The following KCNG3 variants were observed in gnomAD, a reference collection of about 807,000 sequenced individuals.
KCNG3 encodes potassium voltage-gated channel modifier subfamily G member 3, also known as voltage-gated potassium channel regulatory subunit KCNG3.
Under a neutral mutation model 29.0 loss-of-function variants are expected in KCNG3, and 15 were observed. That is an observed-to-expected ratio of 0.52 (90% confidence interval 0.35 to 0.80). The LOEUF is 0.80. Among genes scored for constraint, KCNG3 ranks in the 30% least tolerant of loss-of-function variants. The pLI, the probability that KCNG3 is intolerant of heterozygous loss-of-function variation, is 0.01. For missense variants in KCNG3, 512 were observed against 605.7 expected (o/e 0.85, Z 1.62); for synonymous variants, 322 against 248.9 (o/e 1.29, Z -2.76).
At chr2:42,439,661 T>TC (rs1182787418), downstream of KCNG3, among the ~76,000 whole-genome samples, 10 of 151,244 alleles carry the variant, frequency 6.6e-5, no homozygotes, top group Non-Finnish European at 1.3e-4. Context: ...AATTTTTTTT[T>TC]TTGAGACGGA....
At chr2:42,389,555 G>C in the KCNG3 span, among the ~76,000 whole-genome samples, 11 of 152,096 alleles carry the variant, frequency 7.2e-5, no homozygotes, top group Non-Finnish European at 1.2e-4. Flanking sequence ...ACTTTTTCAA[G>C]AATAAACTTT....
At chr2:42,402,980 C>T in the KCNG3 span, among the ~76,000 whole-genome samples, 1 of 152,182 alleles carries the variant, frequency 6.6e-6, no homozygotes, top group African/African-American at 2.4e-5. Flanking sequence ...TGGGCAGAAT[C>T]GCCATTTTGA....
chr2:42,408,254 C>T, the KCNG3 span, among the ~76,000 whole-genome samples: 1,982 of 152,280 alleles, frequency 0.013, 43 homozygotes, highest in African/African-American at 0.044. Flanking sequence ...GGCGAGTCCC[C>T]GGTGAGGCCC....
intron 1 of KCNG3, among the ~76,000 whole-genome samples, chr2:42,452,361 TACAA>T (rs1236255626): frequency 4.0e-5 from 6 of 151,542 alleles, no homozygotes; most frequent in Non-Finnish European, 7.4e-5. Context: ...TCCTTTGTGT[TACAA>T]ACAATCCAAT....
intron 1 of KCNG3, among the ~76,000 whole-genome samples, chr2:42,450,844 C>A (rs994525002): frequency 6.6e-6 from 1 of 152,162 alleles, no homozygotes; most frequent in African/African-American, 2.4e-5. Flanking sequence ...AAACCCAGAT[C>A]TACAAGATTT....
At chr2:42,478,697 C>T (rs1209902838) in intron 1 of KCNG3, among the ~76,000 whole-genome samples, 5 of 152,170 alleles carry the variant, frequency 3.3e-5, no homozygotes, top group Non-Finnish European at 7.3e-5. Flanking sequence ...CACTGCCTTC[C>T]ACAGCGGCAC....
At chr2:42,414,388 AT>A in the KCNG3 span, among the ~76,000 whole-genome samples, 1 of 152,078 alleles carries the variant, frequency 6.6e-6, no homozygotes, top group Non-Finnish European at 1.5e-5. Context: ...TTGTTATTTC[AT>A]TGTTTTTTTG....
At chr2:42,428,766 C>G in the KCNG3 span, among the ~76,000 whole-genome samples, 110 of 152,182 alleles carry the variant, frequency 7.2e-4, no homozygotes, top group African/African-American at 2.6e-3. Flanking sequence ...ACTCAAATAC[C>G]ACTTCCACAG....
intron 1 of KCNG3, among the ~76,000 whole-genome samples, chr2:42,449,060 G>A (rs564796787): frequency 5.9e-5 from 9 of 152,146 alleles, no homozygotes; most frequent in Non-Finnish European, 1.3e-4. Context: ...CCCACTGAGG[G>A]ACTTGAGTAT....
chr2:42,444,477 G>A lies in KCNG3; in HGVS notation c.768C>T (p.Ile256=), dbSNP rs867249991. ...ACGGCGTGATTGCCAGTAAATCAAT[G>A]ATGTTCAGGGGTCTCTTGACAAACT... ...KCEFVKRPLN[I]IDLLAITPYY... Residue 256 remains isoleucine (I), a synonymous_variant, in exon 2 of 2, where the codon ATC becomes ATT. Coordinates refer to ENST00000306078, the MANE Select transcript of KCNG3 (RefSeq NM_133329.6). The surrounding 1 kb of genome is among the most constrained non-coding windows in gnomAD (Gnocchi z 5.8). 6.2e-7 allele frequency: 1 copy of A among 1,614,168 alleles called. No homozygotes were observed. The highest frequency in any genetic ancestry group is 8.5e-7 in the Non-Finnish European group (1 of 1,180,032).
rs967254468 is a variant in KCNG3, at chr2:42,447,519, C to T, written c.666-2940G>A. Among the ~76,000 whole-genome samples the T allele has an allele frequency of 2.1e-5, 3 of 144,470 alleles. No individual in the cohort carries two copies. In the Admixed American group the frequency reaches 2.1e-4, roughly 10 times the overall value. 94.8% of individuals were successfully genotyped at this position (144,470 alleles called of 152,430 possible). A position where few individuals can be genotyped will look rare whatever the true frequency, so the allele number is the denominator to read the frequency against. On this transcript the variant is annotated intron_variant, in intron 1 of 1. Transcript: ENST00000306078. The stretch of plus-strand genomic sequence containing the variant: ...CATTAACACTGATGCAATGAATATT[C>T]TTTTTTTTTTTTTGAAACAGGGTCT...
At chr2:42,458,088 T>C (rs1036235528) in intron 1 of KCNG3, among the ~76,000 whole-genome samples, 16 of 152,278 alleles carry the variant, frequency 1.1e-4, no homozygotes, top group African/African-American at 3.8e-4. Context: ...AATTTTTACA[T>C]TCCTCACTTG....
chr2:42,437,625 C>T (rs542986144), downstream of KCNG3, among the ~76,000 whole-genome samples: 24 of 152,062 alleles, frequency 1.6e-4, no homozygotes, highest in Middle Eastern at 6.8e-3. Flanking sequence ...ACAGCACTGA[C>T]ATAGGTATGG....
chr2:42,390,208 C>A, the KCNG3 span, among the ~76,000 whole-genome samples: 13 of 152,128 alleles, frequency 8.5e-5, no homozygotes, highest in Non-Finnish European at 1.3e-4. Flanking sequence ...CAAGCTGATG[C>A]TATCTTATTT....
Position 42,444,578 on chromosome 2 carries a change from T to C in KCNG3, c.667A>G (p.Ile223Val). Residue 223 changes from isoleucine (I) to valine (V), a missense_variant and splice_region_variant, in exon 2 of 2, where the codon ATA becomes GTA. Transcript: ENST00000306078. This position sits in a 1 kb window ranked among gnomAD's most constrained non-coding sequence, Gnocchi z 5.8. ...CAACCTATGCAGATAGCTTCAATTA[T>C]CCTGTCAAGAGAACAAAAGAAGAAT... ...SAGPGREPSG[I>V]IEAICIGWFT... 4.4e-6 allele frequency: 7 copies of C among 1,598,714 alleles called. No individual in the cohort carries two copies. Among genetic ancestry groups the C allele is most frequent in the Non-Finnish European group, 6.0e-6 (7 of 1,172,818 alleles).
intron 1 of KCNG3, among the ~76,000 whole-genome samples, chr2:42,448,171 A>T (rs1672651592): frequency 6.6e-6 from 1 of 152,142 alleles, no homozygotes; most frequent in Admixed American, 6.6e-5. Context: ...CTTGCTCACA[A>T]AGGCTTTAAT....
At chr2:42,457,670 A>ACACACAC (rs1572847566) in intron 1 of KCNG3, among the ~76,000 whole-genome samples, 1 of 32,432 alleles carries the variant, frequency 3.1e-5, no homozygotes, top group African/African-American at 8.4e-5. Flanking sequence ...CACACACACA[A>ACACACAC]GGCTGGGCGC....
At chr2:42,419,219 C>CTTTTTT in the KCNG3 span, among the ~76,000 whole-genome samples, 878 of 27,756 alleles carry the variant, frequency 0.032, 294 homozygotes, top group Non-Finnish European at 0.042. Flanking sequence ...GATGGTATCT[C>CTTTTTT]TTTTTTTTTT....
the KCNG3 span, among the ~76,000 whole-genome samples, chr2:42,430,044 T>G: frequency 6.6e-6 from 1 of 152,060 alleles, no homozygotes; most frequent in Non-Finnish European, 1.5e-5. Context: ...TGGCTACAAT[T>G]TTTTTCTCTA....
Sources: allele counts gnomAD v4.1 joint callset (sites outside exome capture counted in the v4.1 genomes callset), GRCh38; gene constraint gnomAD v4.1.1; non-coding constraint Gnocchi (gnomAD v3.1); transcripts MANE v1.5; gene names NCBI Gene and HGNC (gene_info 2026-07-23, HGNC 2026-07-21).